The following ZNF432 variants were observed in gnomAD, a reference collection of about 807,000 sequenced individuals.
The protein encoded by ZNF432 is zinc finger protein 432.
In ZNF432, 10 loss-of-function variants were observed where a neutral mutation model predicts 13.9. That is an observed-to-expected ratio of 0.72 (90% CI 0.44 to 1.22). ZNF432 has a LOEUF of 1.22. ZNF432 is among the 50% of genes most tolerant of loss of function. The pLI, the probability that ZNF432 is intolerant of heterozygous loss-of-function variation, is 0.00. For synonymous variants in ZNF432, 247 were observed against 256.2 expected (o/e 0.96, Z 0.34); for missense variants, 793 against 796.2 (o/e 1.00, Z 0.05).
rs2087125609 is a variant in ZNF432 at position 52,040,587 on chromosome 19, T to C, written c.143-4A>G. On this transcript the variant is annotated splice_region_variant and splice_polypyrimidine_tract_variant and intron_variant, in intron 3 of 4. Transcript: ENST00000221315. ...TCTGGTTTGCTGACTTGATAACCTG[T>C]TTACGGGAAATAATAGAAGACAGAC... 3 of 1,613,066 alleles carry C rather than the reference T, an allele frequency of 1.9e-6. No homozygotes were observed. Among genetic ancestry groups the C allele is most frequent in the Non-Finnish European group, 2.5e-6 (3 of 1,179,102 alleles).
chr19:52,043,709 G>A (rs939991826), intron 2 of ZNF432, among the ~76,000 whole-genome samples: 7 of 152,238 alleles, frequency 4.6e-5, no homozygotes, highest in Admixed American at 1.3e-4. Context: ...GGGGAAAACC[G>A]CCTTAGGGCT....
At chr19:52,041,311 A>G (rs950887791) in intron 3 of ZNF432, among the ~76,000 whole-genome samples, 169 bp downstream of exon 3, 31 of 152,260 alleles carry the variant, frequency 2.0e-4, no homozygotes, top group African/African-American at 7.5e-4. Flanking sequence ...TGTGAAACCA[A>G]TCCCTCTTGG....
rs186814390 is a variant in ZNF432 at position 52,033,523 on chromosome 19, T to C, written c.*197A>G. ...AGATGAGTAATTTTCTATACATTGG[T>C]ACATCAAAGAATTCAGAGCCTGAAT... On this transcript the variant is annotated 3_prime_UTR_variant, in exon 5 of 5. Coordinates refer to ENST00000221315, the MANE Select transcript of ZNF432 (RefSeq NM_014650.4). The C allele has an allele frequency of 8.1e-5, 47 of 583,322 alleles. No individual in the cohort carries two copies. The highest frequency in any genetic ancestry group is 3.4e-5 in the Non-Finnish European group (12 of 349,184). 36.1% of individuals were successfully genotyped at this position (583,322 alleles called of 1,614,324 possible).
At chr19:52,048,177 ACACAC>A in intron 1 of ZNF432, among the ~76,000 whole-genome samples, 1 of 148,330 alleles carries the variant, frequency 6.7e-6, no homozygotes, top group East Asian at 1.9e-4. Context: ...ACACACACAC[ACACAC>A]AAAACCAGCC....
At position 52,034,841 on chromosome 19, in the gene ZNF432, G is replaced by C; in HGVS notation, c.838C>G (p.Gln280Glu). Residue 280 changes from glutamine to glutamate, a missense_variant, in exon 5 of 5, where the codon CAG becomes GAG. Gln to Glu is a conservative substitution (Grantham distance 29). Transcript: ENST00000221315. ...FTMKSRLIEH[Q>E]RTHTGEKPYI... ...GGTTTCTCTCCAGTATGAGTTCGCT[G>C]ATGTTCAATCAGACGGCTCTTCATA... 2 of 1,613,724 alleles carry C rather than the reference G, an allele frequency of 1.2e-6. No individual in the cohort carries two copies. The highest frequency in any genetic ancestry group is 1.7e-6 in the Non-Finnish European group (2 of 1,179,808).
chr19:52,044,990 A>C (rs1366575806), intron 2 of ZNF432, among the ~76,000 whole-genome samples: 1 of 152,206 alleles, frequency 6.6e-6, no homozygotes, highest in Non-Finnish European at 1.5e-5. Context: ...AAATACACTA[A>C]CACTAACGAT....
At position 52,032,314 on chromosome 19, in the gene ZNF432, A is replaced by C. The variant is rs2087021573; in HGVS notation, c.*1406T>G. On this transcript the variant is annotated 3_prime_UTR_variant, in exon 5 of 5. Transcript: ENST00000221315. ...TTATATATAGGATTAAAATTTAATC[A>C]GTGATAAGAACAGCCCGCTTTACAA... 1 of 152,174 alleles carries C rather than the reference A, an allele frequency of 6.6e-6. No individual in the cohort carries two copies. The highest frequency in any genetic ancestry group is 2.4e-5 in the African/African-American group (1 of 41,446). The allele number at this position is 152,174 out of a possible 1,614,324, so 9.4% of individuals were successfully genotyped here. A position where few individuals can be genotyped will look rare whatever the true frequency, so the allele number is the denominator to read the frequency against.
intron 2 of ZNF432, among the ~76,000 whole-genome samples, chr19:52,044,076 T>C (rs11881988): frequency 0.012 from 1,764 of 152,242 alleles, 35 homozygotes; most frequent in African/African-American, 0.041. Flanking sequence ...CACCCACAAG[T>C]GTGGAGGGGC....
At position 52,033,911 on chromosome 19, in the gene ZNF432, C is replaced by T. The variant is rs1377060089; in HGVS notation, c.1768G>A (p.Val590Ile). Residue 590 changes from valine (V) to isoleucine (I), a missense_variant, in exon 5 of 5, where the codon GTT (valine) becomes ATT (isoleucine). Val to Ile is a conservative substitution (Grantham distance 29, BLOSUM62 3). Transcript: ENST00000221315. The part of the protein sequence containing the change: ...KETELALHKQ[V>I]HTGEKPYGCN... ...CCATAAGGTTTTTCTCCAGTATGAA[C>T]TTGCTTATGTAAAGCAAGCTCTGTT... The T allele has an allele frequency of 1.2e-6, 2 of 1,613,886 alleles. No individual in the cohort carries two copies. The highest frequency in any genetic ancestry group is 2.7e-5 in the African/African-American group (2 of 75,008).
chr19:52,032,037 T>C lies in ZNF432; in HGVS notation c.*1683A>G, dbSNP rs1296842759. ...TTATGTAAGATAACATTGATGATGCTAAGCAAAGAATACTCAGGAAACTTT... is the reference window on the plus strand; with the variant it reads ...TTATGTAAGATAACATTGATGATGCCAAGCAAAGAATACTCAGGAAACTTT... On this transcript the variant is annotated 3_prime_UTR_variant, in exon 5 of 5. Coordinates refer to ENST00000221315, the MANE Select transcript of ZNF432 (RefSeq NM_014650.4). 6.6e-6 allele frequency: 1 copy of C among 152,210 alleles called. No individual in the cohort carries two copies. Among genetic ancestry groups the C allele is most frequent in the African/African-American group, 2.4e-5 (1 of 41,452 alleles). 9.4% of individuals were successfully genotyped at this position (152,210 alleles called of 1,614,324 possible).
At chr19:52,040,650 G>C in intron 3 of ZNF432, 67 bp from the exon 4 acceptor site, 2 of 1,303,106 alleles carry the variant, frequency 1.5e-6, no homozygotes, top group Non-Finnish European at 2.2e-6. Context: ...GTGAGAGAAT[G>C]TTACATTTAA....
Position 52,034,185 on chromosome 19 carries a change from G to C in ZNF432, c.1494C>G (p.Ser498Arg). ...GAGTTCGCTGATGTAACATCAGTCCGCTATTCACAATGAAACCTTTCCCAC... is the reference window on the plus strand; with the variant it reads ...GAGTTCGCTGATGTAACATCAGTCCCCTATTCACAATGAAACCTTTCCCAC... ...SECGKGFIVN[S>R]GLMLHQRTHT... The change falls in exon 5 of 5, where the codon AGC (serine) becomes AGG (arginine). Residue 498 changes from serine to arginine, a missense_variant. By Grantham distance (110) the Ser-to-Arg change is moderately radical (BLOSUM62 -1). Transcript: ENST00000221315. 2 of 1,613,984 alleles carry C rather than the reference G, an allele frequency of 1.2e-6. No homozygotes were observed. The highest frequency in any genetic ancestry group is 1.7e-6 in the Non-Finnish European group (2 of 1,179,982).
chr19:52,039,706 G>C (rs935561355), intron 4 of ZNF432, among the ~76,000 whole-genome samples: 2 of 151,738 alleles, frequency 1.3e-5, no homozygotes, highest in African/African-American at 2.4e-5. Context: ...GTGCGCGCCT[G>C]TAATCCCAGC....
At position 52,035,265 on chromosome 19, in the gene ZNF432, T is replaced by C; in HGVS notation, c.414A>G (p.Lys138=). The C allele has an allele frequency of 1.2e-6, 2 of 1,604,914 alleles. No homozygotes were observed. Among genetic ancestry groups the C allele is most frequent in the African/African-American group, 2.7e-5 (2 of 74,340 alleles). ...TCTGGTTGACTAAACTTAAATTTGA[T>C]TTCAAAGTTTTTATATATAACTCAA... ...DTFELYIKTL[K]SNLSLVNQNK... Residue 138 remains lysine (K), a synonymous_variant, in exon 5 of 5, where the codon AAA becomes AAG. Transcript: ENST00000221315.
Position 52,041,483 on chromosome 19 carries a change from T to C in ZNF432, c.139A>G (p.Met47Val). Residue 47 changes from methionine to valine, a missense_variant, in exon 3 of 5, where the codon ATG (methionine) becomes GTG (valine). Coordinates refer to ENST00000221315, the MANE Select transcript of ZNF432 (RefSeq NM_014650.4). ...MLEIYSNLLSMGYQVSKPDAL... is the reference protein window; with the variant it reads ...MLEIYSNLLSVGYQVSKPDAL... ...GACACAGAGCAGCTGTCCTCACCCA[T>C]TGATAGCAGGTTGCTGTAGATCTCC... The C allele has an allele frequency of 1.2e-6, 2 of 1,601,772 alleles. No individual in the cohort carries two copies. The highest frequency in any genetic ancestry group is 1.7e-6 in the Non-Finnish European group (2 of 1,173,402).
chr19:52,035,971 G>A (rs1486828861), intron 4 of ZNF432, among the ~76,000 whole-genome samples: 3 of 152,186 alleles, frequency 2.0e-5, no homozygotes, highest in African/African-American at 7.2e-5. Context: ...ATAAGGTGAG[G>A]CAGTTGACAA....
chr19:52,043,117 A>G (rs991306748), intron 2 of ZNF432, among the ~76,000 whole-genome samples: 1 of 152,158 alleles, frequency 6.6e-6, no homozygotes, highest in African/African-American at 2.4e-5. Flanking sequence ...GGCAGGAAAG[A>G]GCTAGGTGCA....
chr19:52,031,517 A>C lies in ZNF432; in HGVS notation c.*2203T>G, dbSNP rs771348385. The C allele has an allele frequency of 6.6e-6, 1 of 152,228 alleles. No individual in the cohort carries two copies. Among genetic ancestry groups the C allele is most frequent in the Non-Finnish European group, 1.5e-5 (1 of 68,042 alleles). 9.4% of individuals were successfully genotyped at this position (152,228 alleles called of 1,614,324 possible). On this transcript the variant is annotated 3_prime_UTR_variant, in exon 5 of 5. Coordinates refer to ENST00000221315, the MANE Select transcript of ZNF432 (RefSeq NM_014650.4). ...AATACTAACTCAGTAACAAAAATTA[A>C]AACTATTTAGACACCTAACAACTTG...
rs1182103529 is a variant in ZNF432 at position 52,033,879 on chromosome 19, A to G, written c.1800T>C (p.Asn600=). Residue 600 remains asparagine, a synonymous_variant, in exon 5 of 5, where the codon AAT becomes AAC. Transcript: ENST00000221315. ...VHTGEKPYGC[N]ECGKGFTMKS... is the part of the protein sequence containing the mutation. ...TCATAGTGAAGCCTTTACCACATTC[A>G]TTACATCCATAAGGTTTTTCTCCAG... The G allele has an allele frequency of 6.2e-7, 1 of 1,614,094 alleles. No individual in the cohort carries two copies. Among genetic ancestry groups the G allele is most frequent in the Non-Finnish European group, 8.5e-7 (1 of 1,180,028 alleles).
Sources: allele counts gnomAD v4.1 joint callset (sites outside exome capture counted in the v4.1 genomes callset), GRCh38; gene constraint gnomAD v4.1.1; transcripts MANE v1.5; gene names NCBI Gene and HGNC (gene_info 2026-07-23, HGNC 2026-07-21).